Variants in PCDH15 observed in about 807,000 individuals in gnomAD.
PCDH15 encodes the protein protocadherin related 15.
In PCDH15, 129 loss-of-function variants were observed where a neutral mutation model predicts 178.5. The observed-to-expected ratio is 0.72, with a 90% CI of 0.63 to 0.84. The LOEUF (loss-of-function observed/expected upper bound fraction) is 0.84. Ranked by LOEUF, PCDH15 falls within the 40% of genes least tolerant of loss-of-function variation. PCDH15 has a pLI of 0.00. For synonymous variants in PCDH15, 800 were observed against 732.0 expected (o/e 1.09, Z -1.50); for missense variants, 2,230 against 2,099.9 (o/e 1.06, Z -1.21).
intron 3 of PCDH15, among the ~76,000 whole-genome samples, chr10:54,895,849 A>C (rs932543671): frequency 6.6e-6 from 1 of 152,098 alleles, no homozygotes; most frequent in Non-Finnish European, 1.5e-5. Context: ...TTATTTGGCT[A>C]TTGGTGATAC....
At chr10:54,001,521 G>A (rs929664406) in intron 20 of PCDH15, among the ~76,000 whole-genome samples, 5 of 152,104 alleles carry the variant, frequency 3.3e-5, no homozygotes, top group African/African-American at 1.2e-4. Flanking sequence ...AGGGTTGTAT[G>A]ATAGTATTTG....
At chr10:54,232,026 T>C (rs2054128062) in intron 9 of PCDH15, among the ~76,000 whole-genome samples, 1 of 152,200 alleles carries the variant, frequency 6.6e-6, no homozygotes, top group African/African-American at 2.4e-5. Context: ...AGGATGATTG[T>C]ATTTTGCAAT....
chr10:54,231,986 A>C lies in PCDH15; in HGVS notation c.985+4837T>G, dbSNP rs184967186. On this transcript the variant is annotated intron_variant, in intron 9 of 37. Coordinates refer to ENST00000644397, the MANE Select transcript of PCDH15 (RefSeq NM_001384140.1). Reference sequence around the variant, plus strand: ...TGTGGACTTCTCAGTTAATTCTGAAATCAGTTAAGACTTGGGGAACTGTTG... The same window carrying C: ...TGTGGACTTCTCAGTTAATTCTGAACTCAGTTAAGACTTGGGGAACTGTTG... Among the ~76,000 whole-genome samples, 39 of 152,318 alleles carry C rather than the reference A, an allele frequency of 2.6e-4. No individual in the cohort carries two copies. In the East Asian group the frequency reaches 7.5e-3, roughly 29 times the overall value.
At chr10:55,619,936 G>A (rs1034691584) in intron 2 of PCDH15, among the ~76,000 whole-genome samples, 1 of 151,966 alleles carries the variant, frequency 6.6e-6, no homozygotes, top group Non-Finnish European at 1.5e-5. Flanking sequence ...CCTTTTCTAA[G>A]ACTTAATTCC....
chr10:54,739,804 T>G (rs1412046757), intron 1 of PCDH15, among the ~76,000 whole-genome samples: 5 of 152,034 alleles, frequency 3.3e-5, no homozygotes, highest in African/African-American at 1.2e-4. Context: ...TTTCAATGAA[T>G]GGTGCTGGGT....
At chr10:54,512,115 T>G (rs1400360517) in intron 3 of PCDH15, among the ~76,000 whole-genome samples, 5 of 152,118 alleles carry the variant, frequency 3.3e-5, no homozygotes, top group Non-Finnish European at 7.4e-5. Flanking sequence ...AAAACACCCC[T>G]TCTAGGGTTC....
chr10:54,069,125 G>A lies in PCDH15; in HGVS notation c.2092-2240C>T, dbSNP rs138109365. ...AAGAAGATGTGTTTTTTACAGTTGC[G>A]GTAGTTCCCAATTTGCCTGAGGGTT... On this transcript the variant is annotated intron_variant, in intron 17 of 37. Transcript: ENST00000644397. 3.3e-5 allele frequency among the ~76,000 whole-genome samples: 5 copies of A among 152,130 alleles called. No homozygotes were observed. The East Asian group carries it at 5.8e-4, about 18-fold the overall frequency.
chr10:54,513,553 G>C (rs961110665), intron 3 of PCDH15, among the ~76,000 whole-genome samples: 1 of 151,844 alleles, frequency 6.6e-6, no homozygotes, highest in Non-Finnish European at 1.5e-5. Context: ...CAAAATTTTT[G>C]TCATCATTGT....
intron 2 of PCDH15, among the ~76,000 whole-genome samples, chr10:55,006,499 G>A (rs1003590508): frequency 6.6e-6 from 1 of 152,208 alleles, no homozygotes; most frequent in Admixed American, 6.5e-5. Flanking sequence ...AAAGGTAGAA[G>A]GAACATTGCA....
At chr10:54,505,202 T>A (rs779359388) in intron 3 of PCDH15, among the ~76,000 whole-genome samples, 6 of 152,082 alleles carry the variant, frequency 3.9e-5, no homozygotes, top group African/African-American at 1.2e-4. Context: ...CTTTTTTCCA[T>A]CATCCAAGGT....
chr10:55,192,359 CA>C (rs1417473145), intron 1 of PCDH15, among the ~76,000 whole-genome samples: 2 of 151,866 alleles, frequency 1.3e-5, no homozygotes, highest in African/African-American at 4.8e-5. Context: ...AATGGTCCTA[CA>C]GTGACCTAGA....
At chr10:54,511,833 T>A (rs544770703) in intron 3 of PCDH15, among the ~76,000 whole-genome samples, 46 of 152,298 alleles carry the variant, frequency 3.0e-4, no homozygotes, top group African/African-American at 1.0e-3. Flanking sequence ...GACCTCAAAA[T>A]GTTTTGAAAT....
At chr10:54,844,046 T>A (rs927495675) in intron 3 of PCDH15, among the ~76,000 whole-genome samples, 1 of 151,988 alleles carries the variant, frequency 6.6e-6, no homozygotes, top group African/African-American at 2.4e-5. Context: ...TTCAGTGTTA[T>A]CCTACTGAGT....
At chr10:54,765,227 C>G (rs770235560) in intron 1 of PCDH15, among the ~76,000 whole-genome samples, 3 of 152,072 alleles carry the variant, frequency 2.0e-5, no homozygotes, top group Non-Finnish European at 4.4e-5. Flanking sequence ...GCAAGTAATT[C>G]CTGTATCCAT....
At chr10:54,562,869 T>C (rs1362540166) in intron 2 of PCDH15, among the ~76,000 whole-genome samples, 1 of 152,102 alleles carries the variant, frequency 6.6e-6, no homozygotes, top group African/African-American at 2.4e-5. Context: ...GTTAGGTCAA[T>C]ATTATACCCA....
At chr10:54,345,464 G>A (rs967185081) in intron 6 of PCDH15, among the ~76,000 whole-genome samples, 1 of 151,940 alleles carries the variant, frequency 6.6e-6, no homozygotes, top group Non-Finnish European at 1.5e-5. Flanking sequence ...TTGCTTTGGG[G>A]GGCCCGTGGG....
At chr10:54,168,952 G>A (rs1406740675) in intron 13 of PCDH15, among the ~76,000 whole-genome samples, 11 of 151,884 alleles carry the variant, frequency 7.2e-5, no homozygotes. Flanking sequence ...CACATCTCCA[G>A]CACAAAAGAA....
At chr10:55,620,135 T>A (rs1843561779) in intron 2 of PCDH15, among the ~76,000 whole-genome samples, 1 of 152,042 alleles carries the variant, frequency 6.6e-6, no homozygotes. Context: ...AATAGGATGT[T>A]TAAAAATGGG....
At chr10:55,460,014 G>A (rs545410759) in intron 2 of PCDH15, among the ~76,000 whole-genome samples, 29 of 152,090 alleles carry the variant, frequency 1.9e-4, no homozygotes, top group South Asian at 6.2e-4. Flanking sequence ...AGCATGGACC[G>A]TTGACAAGAA....
Sources: allele counts gnomAD v4.1 joint callset (sites outside exome capture counted in the v4.1 genomes callset), GRCh38; gene constraint gnomAD v4.1.1; transcripts MANE v1.5; gene names NCBI Gene and HGNC (gene_info 2026-07-23, HGNC 2026-07-21).